CADPS2: variants seen among roughly 807,000 people sequenced by gnomAD.
CADPS2 encodes the protein calcium-dependent secretion activator 2.
Under a neutral mutation model 172.5 loss-of-function variants are expected in CADPS2, and 93 were observed. That is an observed-to-expected ratio of 0.54 (90% CI 0.46 to 0.64). CADPS2 has a LOEUF of 0.64. Ranked by LOEUF, CADPS2 falls within the 30% of genes least tolerant of loss-of-function variation. The pLI is 0.00. For synonymous variants in CADPS2, 546 were observed against 555.2 expected (o/e 0.98, Z 0.23); for missense variants, 1,420 against 1,565.9 (o/e 0.91, Z 1.57).
At chr7:122,754,927 A>C (rs1053002308) in intron 1 of CADPS2, among the ~76,000 whole-genome samples, 4 of 152,216 alleles carry the variant, frequency 2.6e-5, no homozygotes, top group Admixed American at 2.0e-4. Context: ...ACATATTCTT[A>C]AGAACATAGG....
chr7:122,488,808 C>A (rs1157811052), intron 11 of CADPS2, among the ~76,000 whole-genome samples: 33 of 152,060 alleles, frequency 2.2e-4, no homozygotes, highest in Non-Finnish European at 1.5e-5. Flanking sequence ...AGTTTTTTGG[C>A]AACATTAGAA....
At chr7:122,797,838 C>T (rs1301148362) in intron 1 of CADPS2, among the ~76,000 whole-genome samples, 1 of 152,046 alleles carries the variant, frequency 6.6e-6, no homozygotes, top group East Asian at 1.9e-4. Flanking sequence ...ATATAACAAA[C>T]CTGCTCATGT....
At chr7:122,468,230 G>A (rs1026698684) in intron 14 of CADPS2, among the ~76,000 whole-genome samples, 2 of 152,092 alleles carry the variant, frequency 1.3e-5, no homozygotes, top group Admixed American at 6.6e-5. Flanking sequence ...TGAGCAAAAC[G>A]ACTCTTTGAA....
chr7:122,368,708 T>C (rs1014477453), intron 25 of CADPS2, among the ~76,000 whole-genome samples: 1 of 152,182 alleles, frequency 6.6e-6, no homozygotes, highest in Non-Finnish European at 1.5e-5. Context: ...ACTATAAAAA[T>C]GTTTGAAAAG....
At position 122,478,752 on chromosome 7, in the gene CADPS2, C is replaced by T. The variant is rs183957204; in HGVS notation, c.1861+2100G>A. 2.0e-4 allele frequency among the ~76,000 whole-genome samples: 31 copies of T among 152,190 alleles called. No homozygotes were observed. In the East Asian group the frequency reaches 6.0e-3, roughly 29 times the overall value. On this transcript the variant is annotated intron_variant, in intron 12 of 29. Coordinates refer to ENST00000449022, the MANE Select transcript of CADPS2 (RefSeq NM_017954.11). ...GGGCTTTTTGGTAGGCACTGACCGC[C>T]ACCTGCCCCTTAAGTGCCCAAGAAT...
chr7:122,736,857 C>G (rs908506766), intron 2 of CADPS2, 98 bp downstream of exon 2: 4 of 651,236 alleles, frequency 6.1e-6, no homozygotes, highest in Non-Finnish European at 2.7e-6. Context: ...GCCTTCCTGT[C>G]AGACCAGCAA....
chr7:122,722,645 C>T (rs1436258851), intron 2 of CADPS2, among the ~76,000 whole-genome samples: 2 of 68,136 alleles, frequency 2.9e-5, no homozygotes, highest in South Asian at 1.4e-3. Flanking sequence ...TCAATGCCAT[C>T]CCCATCAAGC....
At chr7:122,485,335 AGTT>A (rs2057697083) in intron 11 of CADPS2, among the ~76,000 whole-genome samples, 4 of 152,234 alleles carry the variant, frequency 2.6e-5, no homozygotes, top group Admixed American at 2.6e-4. Flanking sequence ...GCAAAGGAAA[AGTT>A]GTTGCAGTAA....
chr7:122,465,096 A>C, intron 14 of CADPS2, among the ~76,000 whole-genome samples: 1 of 152,288 alleles, frequency 6.6e-6, no homozygotes, highest in African/African-American at 2.4e-5. Context: ...AGACCAATAA[A>C]CTTGATGGAT....
intron 1 of CADPS2, among the ~76,000 whole-genome samples, chr7:122,864,323 A>AC (rs1563202238): frequency 6.6e-6 from 1 of 152,042 alleles, no homozygotes; most frequent in Non-Finnish European, 1.5e-5. Flanking sequence ...AATACAAAAA[A>AC]AATAAAATTA....
intron 1 of CADPS2, among the ~76,000 whole-genome samples, chr7:122,863,000 T>C (rs181438318): frequency 6.6e-6 from 1 of 152,296 alleles, no homozygotes; most frequent in East Asian, 1.9e-4. Flanking sequence ...CTATTCTCTT[T>C]TTTTGACATT....
At chr7:122,711,807 C>T (rs753539292) in intron 2 of CADPS2, among the ~76,000 whole-genome samples, 7 of 152,004 alleles carry the variant, frequency 4.6e-5, no homozygotes, top group Non-Finnish European at 1.0e-4. Context: ...CACGTGCCAC[C>T]ACACCCGGCT....
chr7:122,568,467 A>T (rs932773726), intron 7 of CADPS2, among the ~76,000 whole-genome samples: 1 of 152,138 alleles, frequency 6.6e-6, no homozygotes, highest in African/African-American at 2.4e-5. Context: ...CTATAGCAAG[A>T]TATTTCAATA....
chr7:122,766,852 T>C (rs547574070), intron 1 of CADPS2, among the ~76,000 whole-genome samples: 1 of 152,318 alleles, frequency 6.6e-6, no homozygotes, highest in East Asian at 1.9e-4. Context: ...CTCTATCATT[T>C]GCTAGTTACT....
intron 28 of CADPS2, among the ~76,000 whole-genome samples, chr7:122,340,290 C>T (rs965592032): frequency 1.3e-5 from 2 of 152,044 alleles, no homozygotes; most frequent in African/African-American, 4.8e-5. Flanking sequence ...CAATTTATAA[C>T]AAAGAGCATG....
chr7:122,631,166 A>G (rs1773162444), intron 3 of CADPS2, among the ~76,000 whole-genome samples: 1 of 152,166 alleles, frequency 6.6e-6, no homozygotes, highest in South Asian at 2.1e-4. Context: ...ATGTAATATG[A>G]AATATATTAT....
intron 6 of CADPS2, among the ~76,000 whole-genome samples, chr7:122,603,710 T>C (rs2073109417): frequency 6.6e-6 from 1 of 152,142 alleles, no homozygotes; most frequent in Non-Finnish European, 1.5e-5. Context: ...TGTCTCAATC[T>C]TTCTCTTAAA....
At chr7:122,368,102 C>T (rs1472347186) in intron 25 of CADPS2, 4 of 152,412 alleles carry the variant, frequency 2.6e-5, no homozygotes, top group African/African-American at 9.7e-5. Flanking sequence ...TGGTCTCGAA[C>T]TCCTGACCTC....
At chr7:122,681,275 T>A in intron 2 of CADPS2, 1 of 844,624 alleles carries the variant, frequency 1.2e-6, no homozygotes, top group Admixed American at 1.8e-5. Context: ...ACTTAAAGTA[T>A]AATAATAAAA....
Sources: gnomAD v4.1 joint callset for allele counts (sites outside exome capture counted in the v4.1 genomes callset) on GRCh38, gnomAD v4.1.1 for gene constraint, MANE v1.5 for transcripts, NCBI Gene and HGNC (gene_info 2026-07-23, HGNC 2026-07-21) for gene names.